Variants in PRKD1 observed in about 807,000 individuals in gnomAD.
PRKD1 encodes protein kinase D1.
A neutral mutation model predicts 95.9 loss-of-function variants in PRKD1; 63 were observed. That is an observed-to-expected ratio of 0.66 (90% CI 0.54 to 0.81). The LOEUF is 0.81. Among genes scored for constraint, PRKD1 ranks in the 30% least tolerant of loss-of-function variants. The probability of loss-of-function intolerance (pLI) is 0.00; values close to 1 mark genes in which losing one functional copy is unlikely to be tolerated. For missense variants in PRKD1, 1,048 were observed against 1,165.3 expected, an observed-to-expected ratio of 0.90 and a Z score of 1.47; for synonymous variants, 425 against 423.1, an observed-to-expected ratio of 1.00 and a Z score of -0.05.
chr14:29,866,548 G>T (rs1892913953), intron 1 of PRKD1, among the ~76,000 whole-genome samples: 1 of 152,128 alleles, frequency 6.6e-6, no homozygotes, highest in South Asian at 2.1e-4. Flanking sequence ...GTGAGACAAA[G>T]AATAAAATAC....
rs182690506 is a variant in PRKD1 at position 29,782,074 on chromosome 14, T to A, written c.265-56400A>T. Among the ~76,000 whole-genome samples the A allele has an allele frequency of 5.9e-5, 9 of 152,316 alleles. No individual in the cohort carries two copies. The South Asian group carries it at 8.3e-4, about 14-fold the overall frequency. On this transcript the variant is annotated intron_variant, in intron 1 of 17. Transcript: ENST00000331968. ...AATATTCCTTGAATATCTAAAACCA[T>A]TTGTTTTCCTAAAACAGTGTATCAT...
intron 15 of PRKD1, among the ~76,000 whole-genome samples, chr14:29,598,318 A>T (rs61980480): frequency 8.4e-6 from 1 of 119,434 alleles, no homozygotes; most frequent in Non-Finnish European, 1.8e-5. Flanking sequence ...AAAATAAAAT[A>T]AAATAAAAAT....
At chr14:29,857,763 G>A (rs1457533578) in intron 1 of PRKD1, among the ~76,000 whole-genome samples, 3 of 152,154 alleles carry the variant, frequency 2.0e-5, no homozygotes, top group African/African-American at 4.8e-5. Flanking sequence ...AAAAGGCAGC[G>A]AGGGGAAACA....
chr14:29,668,090 G>A (rs965324741), intron 2 of PRKD1, among the ~76,000 whole-genome samples: 2 of 152,108 alleles, frequency 1.3e-5, no homozygotes, highest in African/African-American at 4.8e-5. Flanking sequence ...ACTATGAAGT[G>A]TGGTGAGGTT....
intron 2 of PRKD1, among the ~76,000 whole-genome samples, chr14:29,716,192 TAG>T (rs1351611456): frequency 6.6e-6 from 1 of 152,138 alleles, no homozygotes; most frequent in African/African-American, 2.4e-5. Context: ...AGCACAGTAA[TAG>T]ATGAAAAGAG....
At chr14:29,797,584 G>A (rs1889870101) in intron 1 of PRKD1, among the ~76,000 whole-genome samples, 1 of 152,114 alleles carries the variant, frequency 6.6e-6, no homozygotes, top group Non-Finnish European at 1.5e-5. Flanking sequence ...ATCAAAGGGG[G>A]CTGATCATAA....
chr14:29,716,188 G>C (rs530118073), intron 2 of PRKD1, among the ~76,000 whole-genome samples: 1 of 152,230 alleles, frequency 6.6e-6, no homozygotes, highest in Admixed American at 6.5e-5. Context: ...AATTAGCACA[G>C]TAATAGATGA....
Position 29,899,837 on chromosome 14 carries a change from G to A in PRKD1, c.264+27412C>T, listed in dbSNP as rs1051061159. Among the ~76,000 whole-genome samples the A allele has an allele frequency of 6.6e-5, 10 of 152,138 alleles. No homozygotes were observed. In the South Asian group the frequency reaches 1.0e-3, roughly 16 times the overall value. ...CAAATCTCATCTCAAACTGTAATCCGAATTGTAATCCCCATGTGTTGGGAG... is the reference window on the plus strand; with the variant it reads ...CAAATCTCATCTCAAACTGTAATCCAAATTGTAATCCCCATGTGTTGGGAG... On this transcript the variant is annotated intron_variant, in intron 1 of 17. Transcript: ENST00000331968.
At chr14:29,858,026 CT>C (rs1293718286) in intron 1 of PRKD1, among the ~76,000 whole-genome samples, 2 of 152,160 alleles carry the variant, frequency 1.3e-5, no homozygotes, top group African/African-American at 4.8e-5. Context: ...AGTTGTTTAA[CT>C]TTTTTTGTAT....
At chr14:29,628,931 C>A in intron 11 of PRKD1, 110 bp downstream of exon 11, 2 of 688,692 alleles carry the variant, frequency 2.9e-6, no homozygotes, top group Non-Finnish European at 2.2e-6. Flanking sequence ...TTCTATTTTG[C>A]TTTCCAAAAT....
At chr14:29,775,068 G>A (rs571081889) in intron 1 of PRKD1, among the ~76,000 whole-genome samples, 4 of 152,064 alleles carry the variant, frequency 2.6e-5, no homozygotes, top group Non-Finnish European at 5.9e-5. Context: ...TGTATCGAGG[G>A]TTCCTAGTTG....
chr14:29,796,450 AATTG>A (rs1889819304), intron 1 of PRKD1, among the ~76,000 whole-genome samples: 1 of 152,138 alleles, frequency 6.6e-6, no homozygotes, highest in Admixed American at 6.6e-5. Flanking sequence ...GAAATAGGAA[AATTG>A]ATTGTTTTGA....
intron 2 of PRKD1, among the ~76,000 whole-genome samples, chr14:29,675,926 C>A (rs1405195186): frequency 7.3e-6 from 1 of 136,236 alleles, no homozygotes; most frequent in Non-Finnish European, 1.5e-5. Flanking sequence ...GGGAATTGAA[C>A]AATGAGAACA....
intron 1 of PRKD1, among the ~76,000 whole-genome samples, chr14:29,846,933 C>T (rs895711695): frequency 3.3e-5 from 5 of 152,082 alleles, no homozygotes; most frequent in African/African-American, 1.2e-4. Context: ...GCTGGAAAAC[C>T]CCACAGCTCC....
At chr14:29,800,435 G>T (rs1889979199) in intron 1 of PRKD1, among the ~76,000 whole-genome samples, 1 of 152,106 alleles carries the variant, frequency 6.6e-6, no homozygotes, top group Non-Finnish European at 1.5e-5. Context: ...TTATTGGTGG[G>T]TTAACTCTGA....
chr14:29,675,124 T>C (rs1274794232), intron 2 of PRKD1, among the ~76,000 whole-genome samples: 1 of 152,182 alleles, frequency 6.6e-6, no homozygotes, highest in Non-Finnish European at 1.5e-5. Flanking sequence ...AGGAGGGAAC[T>C]TGGTACTTAG....
chr14:29,580,989 A>C (rs530820429), intron 16 of PRKD1, among the ~76,000 whole-genome samples: 2 of 152,014 alleles, frequency 1.3e-5, no homozygotes, highest in Non-Finnish European at 2.9e-5. Flanking sequence ...TGACATCATG[A>C]CACAATACAC....
chr14:29,702,761 T>A (rs909759289), intron 2 of PRKD1, among the ~76,000 whole-genome samples: 5 of 152,160 alleles, frequency 3.3e-5, no homozygotes, highest in Admixed American at 6.5e-5. Context: ...TCATTACTTC[T>A]AAATATTTTT....
intron 2 of PRKD1, among the ~76,000 whole-genome samples, chr14:29,693,936 T>C (rs192554689): frequency 3.7e-4 from 56 of 152,334 alleles, no homozygotes; most frequent in Admixed American, 7.8e-4. Flanking sequence ...CCTACTGGTC[T>C]TACCTGTTCT....
Sources: allele counts gnomAD v4.1 joint callset (sites outside exome capture counted in the v4.1 genomes callset), GRCh38; gene constraint gnomAD v4.1.1; transcripts MANE v1.5; gene names NCBI Gene and HGNC (gene_info 2026-07-23, HGNC 2026-07-21).